Variants in TRAM2 observed in about 807,000 individuals in gnomAD.
The protein encoded by TRAM2 is translocating chain-associated membrane protein 2.
In TRAM2, 12 loss-of-function variants were observed where a neutral mutation model predicts 51.0. The observed-to-expected ratio is 0.24, with a 90% CI of 0.15 to 0.38. The LOEUF is 0.38. Among genes scored for constraint, TRAM2 ranks in the 10% least tolerant of loss-of-function variants. TRAM2 has a pLI of 1.00. For synonymous variants in TRAM2, 175 were observed against 179.4 expected (o/e 0.98, Z 0.20); for missense variants, 361 against 462.0 (o/e 0.78, Z 2.00).
At chr6:52,553,747 T>C (rs995066545) in intron 1 of TRAM2, among the ~76,000 whole-genome samples, 2 of 152,200 alleles carry the variant, frequency 1.3e-5, no homozygotes, top group Non-Finnish European at 2.9e-5. Context: ...AGTTGTTCAG[T>C]TGCTTGGTGT....
intron 1 of TRAM2, among the ~76,000 whole-genome samples, chr6:52,548,713 T>C (rs1767254583): frequency 1.3e-5 from 2 of 152,248 alleles, no homozygotes. Context: ...ACCTGAACGA[T>C]GTGCCTAAGA....
At chr6:52,533,651 T>C (rs962868532) in intron 2 of TRAM2, among the ~76,000 whole-genome samples, 4 of 152,220 alleles carry the variant, frequency 2.6e-5, no homozygotes, top group African/African-American at 9.6e-5. Context: ...CTGCAGGGGA[T>C]GGTGGGCCCA....
At chr6:52,505,849 TG>T in intron 8 of TRAM2, 107 bp from the exon 9 acceptor site, 1 of 1,479,108 alleles carries the variant, frequency 6.8e-7, no homozygotes. Context: ...CAAGGGTGGC[TG>T]GGGAAAGTGC....
chr6:52,542,817 T>C (rs1337661167), intron 1 of TRAM2, among the ~76,000 whole-genome samples: 1 of 152,202 alleles, frequency 6.6e-6, no homozygotes, highest in African/African-American at 2.4e-5. Flanking sequence ...AACTTTATAT[T>C]GGGATACAGA....
intron 9 of TRAM2, 101 bp downstream of exon 9, chr6:52,505,498 G>T: frequency 6.9e-7 from 1 of 1,451,716 alleles, no homozygotes; most frequent in Non-Finnish European, 9.2e-7. Context: ...ATAACAATAT[G>T]TGGGAGACTA....
intron 1 of TRAM2, among the ~76,000 whole-genome samples, chr6:52,560,911 A>G (rs1562488632): frequency 6.6e-6 from 1 of 152,208 alleles, no homozygotes; most frequent in East Asian, 1.9e-4. Context: ...ATCCAAGACA[A>G]CTGAACACGA....
At chr6:52,576,738 C>T in intron 1 of TRAM2, 58 bp downstream of exon 1, 1 of 1,585,312 alleles carries the variant, frequency 6.3e-7, no homozygotes, top group Non-Finnish European at 8.6e-7. Context: ...AGGGGTGTGC[C>T]GGGCGGTGCA....
intron 1 of TRAM2, 133 bp downstream of exon 1, chr6:52,576,663 C>T: frequency 2.4e-6 from 3 of 1,247,458 alleles, no homozygotes; most frequent in Admixed American, 2.4e-5. Flanking sequence ...GTGCACAAAG[C>T]CGGGGTGCAG....
rs1213102958 is a variant in TRAM2 at position 52,502,798 on chromosome 6, A to C, written c.*399T>G. 5.2e-6 allele frequency: 1 copy of C among 192,164 alleles called. No homozygotes were observed. Among genetic ancestry groups the C allele is most frequent in the Admixed American group, 5.5e-5 (1 of 18,158 alleles). The allele number at this position is 192,164 out of a possible 1,614,324, so 11.9% of individuals were successfully genotyped here. A position where few individuals can be genotyped will look rare whatever the true frequency, so the allele number is the denominator to read the frequency against. On this transcript the variant is annotated 3_prime_UTR_variant, in exon 11 of 11. Transcript: ENST00000182527. ...GGACTGCAATCTTAGCTCCCCTCCC[A>C]TTGTAAAAATCAGACAGAAAAATTG...
chr6:52,518,074 C>T (rs1012403481), intron 2 of TRAM2, among the ~76,000 whole-genome samples: 2 of 152,312 alleles, frequency 1.3e-5, no homozygotes, highest in Non-Finnish European at 2.9e-5. Flanking sequence ...ACATACAGTG[C>T]AGCAGGGAGA....
At chr6:52,548,571 T>C (rs1562485803) in intron 1 of TRAM2, among the ~76,000 whole-genome samples, 1 of 152,224 alleles carries the variant, frequency 6.6e-6, no homozygotes, top group Non-Finnish European at 1.5e-5. Context: ...CCAGAGGCCC[T>C]AATGTGCAGA....
chr6:52,533,361 C>T (rs1333973144), intron 2 of TRAM2, among the ~76,000 whole-genome samples: 8 of 151,950 alleles, frequency 5.3e-5, no homozygotes, highest in Non-Finnish European at 1.2e-4. Flanking sequence ...GTAAATAAGC[C>T]CGGATTTGAC....
In TRAM2 at chr6:52,516,481, G is replaced by T. The variant is rs552854665; in HGVS notation, c.294+147C>A. 3 of 666,510 alleles carry T rather than the reference G, an allele frequency of 4.5e-6. No homozygotes were observed. In the African/African-American group the frequency reaches 5.4e-5, roughly 12 times the overall value. 41.3% of individuals were successfully genotyped at this position (666,510 alleles called of 1,614,324 possible). On this transcript the variant is annotated intron_variant, in intron 3 of 10. Coordinates refer to ENST00000182527, the MANE Select transcript of TRAM2 (RefSeq NM_012288.4). Reference sequence around the variant, plus strand: ...GGCTGTGAACAGAAACCAAAGTGTGGTGAAGGAAGCCCAGGCAATAGACCC... The same window carrying T: ...GGCTGTGAACAGAAACCAAAGTGTGTTGAAGGAAGCCCAGGCAATAGACCC...
At chr6:52,514,865 C>T (rs544710140) in intron 4 of TRAM2, among the ~76,000 whole-genome samples, 1 of 152,308 alleles carries the variant, frequency 6.6e-6, no homozygotes, top group East Asian at 1.9e-4. Flanking sequence ...GGCACAACAG[C>T]AGGGATGCAC....
intron 2 of TRAM2, among the ~76,000 whole-genome samples, chr6:52,533,119 T>G (rs928997325): frequency 5.3e-5 from 8 of 151,426 alleles, no homozygotes; most frequent in African/African-American, 1.9e-4. Context: ...GGAGTTAGGG[T>G]TTGGTGGGCA....
intron 2 of TRAM2, chr6:52,523,789 A>G (rs2114076802): frequency 6.6e-6 from 1 of 152,398 alleles, no homozygotes; most frequent in Middle Eastern, 3.4e-3. Context: ...TTTAATGGTA[A>G]ATGAATGGAA....
chr6:52,510,485 T>C (rs1766431895), intron 4 of TRAM2, among the ~76,000 whole-genome samples: 1 of 152,076 alleles, frequency 6.6e-6, no homozygotes, highest in Admixed American at 6.5e-5. Context: ...TGGGCCAGGG[T>C]TTTTGTGCCC....
intron 1 of TRAM2, among the ~76,000 whole-genome samples, chr6:52,542,886 A>G (rs1023176840): frequency 6.6e-6 from 1 of 152,244 alleles, no homozygotes; most frequent in Non-Finnish European, 1.5e-5. Context: ...GGGCTTTTTA[A>G]AAAAGAGAAT....
intron 1 of TRAM2, among the ~76,000 whole-genome samples, chr6:52,560,590 C>T (rs1767482612): frequency 6.6e-6 from 1 of 152,210 alleles, no homozygotes; most frequent in South Asian, 2.1e-4. Flanking sequence ...CAAACGAAGT[C>T]TGCCGTTAGA....
Sources: allele counts gnomAD v4.1 joint callset (sites outside exome capture counted in the v4.1 genomes callset), GRCh38; gene constraint gnomAD v4.1.1; transcripts MANE v1.5; gene names NCBI Gene and HGNC (gene_info 2026-07-23, HGNC 2026-07-21).